HIVEP1: variants seen among roughly 807,000 people sequenced by gnomAD.
HIVEP1 encodes the protein zinc finger protein 40.
In HIVEP1, 36 loss-of-function variants were observed where a neutral mutation model predicts 180.0. The observed-to-expected ratio is 0.20, with a 90% CI of 0.15 to 0.26. HIVEP1 has a LOEUF of 0.26. HIVEP1 is among the 10% of genes least tolerant of loss of function. The probability of loss-of-function intolerance (pLI) is 1.00; values close to 1 mark genes in which losing one functional copy is unlikely to be tolerated. For synonymous variants in HIVEP1, 1,239 were observed against 1,239.0 expected (o/e 1.00, Z 0.00); for missense variants, 3,143 against 3,268.7 (o/e 0.96, Z 0.94).
chr6:12,109,491 C>T (rs990447255), intron 3 of HIVEP1, among the ~76,000 whole-genome samples: 8 of 152,230 alleles, frequency 5.3e-5, no homozygotes, highest in African/African-American at 1.9e-4. Flanking sequence ...GTCATTTCAG[C>T]AGCGTTTACA....
At position 12,123,183 on chromosome 6, in the gene HIVEP1, G is replaced by A. The variant is rs367863458; in HGVS notation, c.3388G>A (p.Gly1130Arg). Reference sequence around the variant, plus strand: ...GGACAAGATAGAACTGCAGAGACACGGAACTGGAATCTCTGTCATCCAGCA... The same window carrying A: ...GGACAAGATAGAACTGCAGAGACACAGAACTGGAATCTCTGTCATCCAGCA... ...AQDKIELQRH[G>R]TGISVIQHTN... Residue 1130 changes from glycine to arginine, a missense_variant, in exon 4 of 9, where the codon GGA becomes AGA. Gly to Arg is a moderately radical substitution (Grantham distance 125, BLOSUM62 -2). Transcript: ENST00000379388. 57 of 1,614,044 alleles carry A rather than the reference G, an allele frequency of 3.5e-5. No homozygotes were observed. Among genetic ancestry groups the A allele is most frequent in the Admixed American group, 8.3e-5 (5 of 60,010 alleles).
At chr6:12,012,190 C>T (rs1767376660), upstream of HIVEP1, 1 of 143,382 alleles carries the variant, frequency 7.0e-6, no homozygotes, top group Admixed American at 6.9e-5. Flanking sequence ...GCTCCGGGCG[C>T]CGGCGAGCTT....
intron 3 of HIVEP1, among the ~76,000 whole-genome samples, chr6:12,092,648 G>T (rs1773550084): frequency 6.6e-6 from 1 of 152,058 alleles, no homozygotes; most frequent in Non-Finnish European, 1.5e-5. Flanking sequence ...CAGTGTCCAA[G>T]AATTCATTTT....
chr6:12,101,906 A>G (rs891475618), intron 3 of HIVEP1, among the ~76,000 whole-genome samples: 6 of 142,266 alleles, frequency 4.2e-5, no homozygotes, highest in Non-Finnish European at 6.2e-5. Context: ...AAAGGATAGG[A>G]AAAGATGTAT....
chr6:12,086,524 A>G (rs1051523299), intron 2 of HIVEP1, among the ~76,000 whole-genome samples: 4 of 152,106 alleles, frequency 2.6e-5, no homozygotes, highest in African/African-American at 9.7e-5. Flanking sequence ...AGAGTCTAAC[A>G]TGCCATTTTT....
intron 2 of HIVEP1, among the ~76,000 whole-genome samples, chr6:12,044,570 C>T (rs78146351): frequency 1.3e-4 from 20 of 150,684 alleles, no homozygotes; most frequent in African/African-American, 4.9e-4. Flanking sequence ...CTGTGCCCCC[C>T]TCAAAGCCAG....
chr6:12,067,420 C>T lies in HIVEP1; in HGVS notation c.41-21764C>T, dbSNP rs541802530. ...AATTCTTTAAAGGAAGTTGACTGGC[C>T]GTTTAGCCATTTATTTTACAGAAAT... On this transcript the variant is annotated intron_variant, in intron 2 of 8. Coordinates refer to ENST00000379388, the MANE Select transcript of HIVEP1 (RefSeq NM_002114.4). 2.0e-4 allele frequency among the ~76,000 whole-genome samples: 30 copies of T among 151,862 alleles called. 1 individual carries two copies. The South Asian group carries it at 2.5e-3, about 13-fold the overall frequency.
At chr6:12,025,642 CA>C (rs1206773119) in intron 2 of HIVEP1, among the ~76,000 whole-genome samples, 1 of 152,084 alleles carries the variant, frequency 6.6e-6, no homozygotes, top group Non-Finnish European at 1.5e-5. Context: ...AAGTAGATAA[CA>C]TTCTATAATT....
rs1757815429 is a variant in HIVEP1, at chr6:12,123,314, T to C, written c.3519T>C (p.Ser1173=). 6.2e-6 allele frequency: 10 copies of C among 1,614,000 alleles called. No individual in the cohort carries two copies. In the East Asian group the frequency reaches 2.2e-4, roughly 36 times the overall value. The change falls in exon 4 of 9, where the codon TCT becomes TCC. Residue 1173 remains serine (S), a synonymous_variant. Transcript: ENST00000379388. ...QELNRTGKSG[S]LKVIGISQEE... is the part of the protein sequence containing the mutation. Reference sequence around the variant, plus strand: ...TGAATAGAACGGGGAAGTCCGGGTCTCTAAAAGTGATAGGAATCTCCCAAG... The same window carrying C: ...TGAATAGAACGGGGAAGTCCGGGTCCCTAAAAGTGATAGGAATCTCCCAAG...
At chr6:12,133,790 C>T (rs1356135090) in intron 6 of HIVEP1, among the ~76,000 whole-genome samples, 2 of 152,190 alleles carry the variant, frequency 1.3e-5, no homozygotes, top group African/African-American at 4.8e-5. Context: ...TGAGCCTGGG[C>T]AACATGGTGA....
intron 3 of HIVEP1, among the ~76,000 whole-genome samples, chr6:12,098,592 T>G (rs1473615756): frequency 6.6e-6 from 1 of 152,208 alleles, no homozygotes; most frequent in Non-Finnish European, 1.5e-5. Context: ...GAGATAAGCT[T>G]GTATATATTT....
Position 12,125,319 on chromosome 6 carries a change from G to A in HIVEP1, c.5524G>A (p.Gly1842Arg), listed in dbSNP as rs1333408193. 1.4e-5 allele frequency: 23 copies of A among 1,613,962 alleles called. No individual in the cohort carries two copies. Among genetic ancestry groups the A allele is most frequent in the Non-Finnish European group, 1.9e-5 (22 of 1,179,972 alleles). The change falls in exon 4 of 9, where the codon GGA becomes AGA. Residue 1842 changes from glycine to arginine, a missense_variant. Physicochemically the swap from Gly to Arg is moderately radical, Grantham distance 125. Transcript: ENST00000379388. ...NVLPADNSSTGCSKFVVIEPI... is the reference protein window; with the variant it reads ...NVLPADNSSTRCSKFVVIEPI... ...TTTACCAGCTGATAATTCATCAACA[G>A]GATGCTCTAAATTTGTCGTTATAGA...
rs1775493544 is a variant in HIVEP1, at chr6:12,120,344, T to C, written c.549T>C (p.His183=). The C allele has an allele frequency of 1.2e-6, 2 of 1,614,194 alleles. No individual in the cohort carries two copies. The highest frequency in any genetic ancestry group is 1.1e-5 in the South Asian group (1 of 91,088). ...RTDNSECISS[H]CGTTSPSYTN... ...ACAATAGCGAATGCATCTCTTCTCA[T>C]TGTGGCACTACGTCCCCCTCCTATA... The change falls in exon 4 of 9, where the codon CAT becomes CAC. Residue 183 remains histidine, a synonymous_variant. Coordinates refer to ENST00000379388, the MANE Select transcript of HIVEP1 (RefSeq NM_002114.4).
intron 8 of HIVEP1, 56 bp from the exon 9 acceptor site, chr6:12,163,227 A>G: frequency 7.9e-7 from 1 of 1,264,728 alleles, no homozygotes; most frequent in East Asian, 2.3e-5. Context: ...CTAGCTTTAT[A>G]TCTCAGTGAT....
intron 2 of HIVEP1, among the ~76,000 whole-genome samples, chr6:12,066,044 G>A (rs1771557302): frequency 1.3e-5 from 2 of 152,120 alleles, no homozygotes; most frequent in Non-Finnish European, 1.5e-5. Context: ...ATTCTCATGA[G>A]AAGGAACACC....
intron 4 of HIVEP1, 186 bp from the exon 5 acceptor site, chr6:12,129,573 T>G: frequency 1.5e-6 from 1 of 688,184 alleles, no homozygotes; most frequent in Non-Finnish European, 2.7e-6. Flanking sequence ...TTTATCAGTT[T>G]GCTGTGATTG....
chr6:12,032,398 T>G (rs1042724113), intron 2 of HIVEP1, among the ~76,000 whole-genome samples: 4 of 152,070 alleles, frequency 2.6e-5, no homozygotes, highest in Admixed American at 1.3e-4. Context: ...CGCCTCAGCC[T>G]CCCAAAGTGC....
At chr6:12,058,892 T>G (rs1771048892) in intron 2 of HIVEP1, among the ~76,000 whole-genome samples, 1 of 152,160 alleles carries the variant, frequency 6.6e-6, no homozygotes, top group African/African-American at 2.4e-5. Flanking sequence ...CCTTGCTCTG[T>G]GTAGTTAACA....
chr6:12,077,790 C>T (rs186360981), intron 2 of HIVEP1, among the ~76,000 whole-genome samples: 3 of 152,314 alleles, frequency 2.0e-5, no homozygotes, highest in Non-Finnish European at 2.9e-5. Context: ...CTGTGCCTCT[C>T]AGTCTCCCTC....
Sources: gnomAD v4.1 joint callset for allele counts (sites outside exome capture counted in the v4.1 genomes callset) on GRCh38, gnomAD v4.1.1 for gene constraint, MANE v1.5 for transcripts, NCBI Gene and HGNC (gene_info 2026-07-23, HGNC 2026-07-21) for gene names.